The following RPRD2 variants were observed in gnomAD, a reference collection of about 807,000 sequenced individuals.
The protein encoded by RPRD2 is regulation of nuclear pre-mRNA domain containing 2.
RPRD2 carries 12 observed loss-of-function variants against 104.4 expected under a neutral mutation model. The observed-to-expected ratio is 0.11, with a 90% CI of 0.07 to 0.19. RPRD2 has a LOEUF of 0.19. Among genes scored for constraint, RPRD2 ranks in the 10% least tolerant of loss-of-function variants. The pLI, the probability that RPRD2 is intolerant of heterozygous loss-of-function variation, is 1.00. For missense variants in RPRD2, 1,543 were observed against 1,790.1 expected (o/e 0.86, Z 2.49); for synonymous variants, 714 against 684.9 (o/e 1.04, Z -0.66).
intron 6 of RPRD2, 122 bp downstream of exon 6, chr1:150,444,499 G>T: frequency 1.2e-6 from 1 of 850,624 alleles, no homozygotes; most frequent in South Asian, 2.0e-5. Flanking sequence ...TGGCACCTCT[G>T]GTTTCCCAGG....
In RPRD2 at chr1:150,472,518, T is replaced by C. The variant is rs1668656421; in HGVS notation, c.3570T>C (p.Phe1190=). 2.5e-6 allele frequency: 4 copies of C among 1,613,992 alleles called. No individual in the cohort carries two copies. In the East Asian group the frequency reaches 8.9e-5, roughly 36 times the overall value. ...GTTCCAACAGTTTCAACTCAACATTTGAGCATCATCTTCCCCCATCCCCCT... is the reference window on the plus strand; with the variant it reads ...GTTCCAACAGTTTCAACTCAACATTCGAGCATCATCTTCCCCCATCCCCCT... The part of the protein sequence containing the change: ...SFRSNSFNST[F]EHHLPPSPLE... The change falls in exon 11 of 11, where the codon TTT becomes TTC. Residue 1190 remains phenylalanine (F), a synonymous_variant. Coordinates refer to ENST00000369068, the MANE Select transcript of RPRD2 (RefSeq NM_015203.5).
At chr1:150,409,323 GA>G (rs1663726267) in intron 1 of RPRD2, among the ~76,000 whole-genome samples, 1 of 152,128 alleles carries the variant, frequency 6.6e-6, no homozygotes, top group Non-Finnish European at 1.5e-5. Context: ...TGCATTTACA[GA>G]GAAGTCTTAG....
intron 1 of RPRD2, among the ~76,000 whole-genome samples, chr1:150,373,257 G>A (rs1265701746): frequency 4.6e-5 from 7 of 151,864 alleles, no homozygotes; most frequent in East Asian, 1.9e-4. Context: ...CAAGTGATCC[G>A]CCCGCCTCAG....
At chr1:150,440,804 G>T in intron 2 of RPRD2, 119 bp from the exon 3 acceptor site, 2 of 640,354 alleles carry the variant, frequency 3.1e-6, no homozygotes. Flanking sequence ...AAAAGGTTTT[G>T]AAATAAACAT....
chr1:150,379,631 A>T (rs1028405142), intron 1 of RPRD2, among the ~76,000 whole-genome samples: 6 of 152,030 alleles, frequency 3.9e-5, no homozygotes, highest in Admixed American at 6.6e-5. Context: ...CGAACTCCCA[A>T]CCTCAGGTGA....
At chr1:150,379,563 C>T (rs587646722) in intron 1 of RPRD2, among the ~76,000 whole-genome samples, 3 of 152,018 alleles carry the variant, frequency 2.0e-5, no homozygotes, top group East Asian at 2.0e-4. Context: ...CCACCATGCC[C>T]GGCTAATTTT....
chr1:150,380,446 C>G (rs587621536), intron 1 of RPRD2, among the ~76,000 whole-genome samples: 72 of 150,540 alleles, frequency 4.8e-4, no homozygotes, highest in African/African-American at 1.7e-3. Context: ...TGTCTCATGG[C>G]AAGCAGTTCT....
intron 1 of RPRD2, among the ~76,000 whole-genome samples, chr1:150,384,639 T>TTTTGTGTGTGTGTGTG (rs1475338523): frequency 2.6e-4 from 35 of 133,398 alleles, no homozygotes; most frequent in African/African-American, 9.9e-4. Flanking sequence ...CCTGGCTAAT[T>TTTTGTGTGTGTGTGTG]TGTGTGTGTG....
chr1:150,388,175 C>G (rs1366823400), intron 1 of RPRD2, among the ~76,000 whole-genome samples: 4 of 151,794 alleles, frequency 2.6e-5, no homozygotes, highest in Admixed American at 2.6e-4. Context: ...ACCTTGGCCT[C>G]ATATAGTGCT....
At chr1:150,405,732 G>A (rs1434716059) in intron 1 of RPRD2, among the ~76,000 whole-genome samples, 13 of 152,096 alleles carry the variant, frequency 8.5e-5, no homozygotes, top group Admixed American at 7.2e-4. Context: ...GAAATAAACA[G>A]TTCATAAGTT....
At chr1:150,445,247 A>G (rs1207262591) in intron 6 of RPRD2, among the ~76,000 whole-genome samples, 7 of 152,196 alleles carry the variant, frequency 4.6e-5, no homozygotes, top group Non-Finnish European at 8.8e-5. Flanking sequence ...AACAGAAAAC[A>G]TACTAAAAAT....
At chr1:150,454,391 C>T (rs184170134) in intron 7 of RPRD2, among the ~76,000 whole-genome samples, 187 of 152,178 alleles carry the variant, frequency 1.2e-3, no homozygotes, top group Non-Finnish European at 2.0e-3. Flanking sequence ...GTATTTGCCA[C>T]TTAGTTTTTG....
At chr1:150,397,816 C>T (rs587673751) in intron 1 of RPRD2, among the ~76,000 whole-genome samples, 7 of 149,634 alleles carry the variant, frequency 4.7e-5, no homozygotes, top group Admixed American at 2.0e-4. Flanking sequence ...GCGCCATCTC[C>T]GCTCACTGCA....
At chr1:150,413,767 A>G (rs1664116820) in intron 1 of RPRD2, among the ~76,000 whole-genome samples, 1 of 149,942 alleles carries the variant, frequency 6.7e-6, no homozygotes, top group South Asian at 2.1e-4. Context: ...CTCTACTTAA[A>G]CTACAAAATT....
At chr1:150,397,269 C>T (rs906947514) in intron 1 of RPRD2, among the ~76,000 whole-genome samples, 3 of 152,144 alleles carry the variant, frequency 2.0e-5, no homozygotes, top group African/African-American at 2.4e-5. Flanking sequence ...CCACTGCACC[C>T]GGCCACAACA....
chr1:150,396,583 A>G (rs1027526090), intron 1 of RPRD2, among the ~76,000 whole-genome samples: 1 of 152,182 alleles, frequency 6.6e-6, no homozygotes, highest in Non-Finnish European at 1.5e-5. Flanking sequence ...TGGCTTGCCA[A>G]TTATCCCAGC....
intron 1 of RPRD2, 81 bp downstream of exon 1, chr1:150,365,000 C>T: frequency 7.0e-7 from 1 of 1,420,884 alleles, no homozygotes; most frequent in Non-Finnish European, 9.7e-7. Context: ...GGTTTTCCCA[C>T]GGAGCCGCAG....
chr1:150,440,092 T>C (rs903435199), intron 2 of RPRD2, among the ~76,000 whole-genome samples: 2 of 152,150 alleles, frequency 1.3e-5, no homozygotes, highest in African/African-American at 4.8e-5. Context: ...ACTACAAATG[T>C]GTGCCACCAC....
rs1659716433 is a variant in RPRD2, at chr1:150,364,917, G to A, written c.203G>A (p.Arg68Lys). The A allele has an allele frequency of 3.1e-6, 5 of 1,613,940 alleles. No homozygotes were observed. The highest frequency in any genetic ancestry group is 4.2e-6 in the Non-Finnish European group (5 of 1,179,850). ...TATCATTGGATGAAGTGGCTCCGGA[G>A]ATGTGAGTGTTGGGGGTGACTAGGG... ...IVYHWMKWLR[R>K]SAYPHRLNLF... Residue 68 changes from arginine to lysine, a missense_variant and splice_region_variant, in exon 1 of 11, where the codon AGA becomes AAA. Physicochemically the swap from Arg to Lys is conservative, Grantham distance 26 (BLOSUM62 2). This residue lies in a region of RPRD2 where 88 missense variants were observed against 96.6 expected (regional missense o/e 0.91). Transcript: ENST00000369068.
Sources: gnomAD v4.1 joint callset for allele counts (sites outside exome capture counted in the v4.1 genomes callset) on GRCh38, gnomAD v4.1.1 for gene constraint, gnomAD v4.1.1 regional missense constraint, MANE v1.5 for transcripts, NCBI Gene and HGNC (gene_info 2026-07-23, HGNC 2026-07-21) for gene names.